The following ZAN variants were observed in gnomAD, a reference collection of about 807,000 sequenced individuals.
The protein encoded by ZAN is zonadhesin.
ZAN carries 260 observed loss-of-function variants against 286.2 expected under a neutral mutation model. The observed-to-expected ratio is 0.91, with a 90% CI of 0.82 to 1.01. The LOEUF is 1.01. Among genes scored for constraint, ZAN ranks in the 50% least tolerant of loss-of-function variants. ZAN has a pLI of 0.00. For missense variants in ZAN, 3,410 were observed against 3,639.2 expected, an observed-to-expected ratio of 0.94 and a Z score of 1.62; for synonymous variants, 1,368 against 1,417.5, an observed-to-expected ratio of 0.97 and a Z score of 0.79.
chr7:100,776,718 CTTTTTTTTT>C (rs1161585746), intron 34 of ZAN, among the ~76,000 whole-genome samples, 154 bp downstream of exon 34: 6 of 47,508 alleles, frequency 1.3e-4, no homozygotes, highest in East Asian at 1.0e-3. Flanking sequence ...CCTCTCCTTT[CTTTTTTTTT>C]TTTTTTTTTT....
intron 7 of ZAN, among the ~76,000 whole-genome samples, chr7:100,743,624 C>T (rs1807971336): frequency 6.6e-6 from 1 of 152,004 alleles, no homozygotes; most frequent in African/African-American, 2.4e-5. Flanking sequence ...TGCCTGTAAT[C>T]CCAGCACTTT....
chr7:100,734,410 G>T (rs1360514107), intron 2 of ZAN, among the ~76,000 whole-genome samples, 189 bp downstream of exon 2: 1 of 140,250 alleles, frequency 7.1e-6, no homozygotes, highest in Admixed American at 7.1e-5. Context: ...ACGAGGTCAG[G>T]AGATCGAGAC....
intron 38 of ZAN, 76 bp downstream of exon 38, chr7:100,788,212 G>A: frequency 1.4e-6 from 2 of 1,417,644 alleles, no homozygotes; most frequent in Non-Finnish European, 1.9e-6. Context: ...AGAAGTCAGG[G>A]ATCCCTGTTC....
chr7:100,735,140 C>T (rs1223754245), intron 2 of ZAN, among the ~76,000 whole-genome samples: 1 of 136,988 alleles, frequency 7.3e-6, no homozygotes, highest in Non-Finnish European at 1.6e-5. Flanking sequence ...GCGGAAATTG[C>T]ACCATTGCAC....
intron 29 of ZAN, among the ~76,000 whole-genome samples, chr7:100,772,612 G>A (rs1297952871): frequency 6.6e-6 from 1 of 151,850 alleles, no homozygotes; most frequent in Non-Finnish European, 1.5e-5. Context: ...ACGAGGTCAG[G>A]AGATCGAGAC....
intron 14 of ZAN, among the ~76,000 whole-genome samples, chr7:100,753,918 A>G (rs1489096080): frequency 6.6e-6 from 1 of 151,688 alleles, no homozygotes; most frequent in Non-Finnish European, 1.5e-5. Flanking sequence ...TCACTTTCTA[A>G]TCCAAACACT....
chr7:100,754,038 G>A (rs1319218229), intron 14 of ZAN, among the ~76,000 whole-genome samples: 1 of 152,046 alleles, frequency 6.6e-6, no homozygotes, highest in Non-Finnish European at 1.5e-5. Flanking sequence ...GGATTTGCCA[G>A]TTCTGGACAG....
At chr7:100,757,907 T>C (rs1584578183) in intron 15 of ZAN, among the ~76,000 whole-genome samples, 1 of 131,716 alleles carries the variant, frequency 7.6e-6, no homozygotes. Flanking sequence ...AGACTCCATC[T>C]CTCCAAAACG....
At position 100,763,901 on chromosome 7, in the gene ZAN, C is replaced by T; in HGVS notation, c.4082C>T (p.Thr1361Ile). ...GGGTTCTGTGGACGGCTGGTCGACA[C>T]TCATGGCCCATTTGAGTATGAAGGA... ...GPGFCGRLVD[T>I]HGPFETCLLH... The change falls in exon 21 of 48, where the codon ACT (threonine) becomes ATT (isoleucine). Residue 1361 changes from threonine (T) to isoleucine (I), a missense_variant. Physicochemically the swap from Thr to Ile is moderately conservative, Grantham distance 89. Coordinates refer to ENST00000613979, the MANE Select transcript of ZAN (RefSeq NM_003386.3). The surrounding 1 kb of genome is among the most constrained non-coding windows in gnomAD (Gnocchi z 4.6). 1.2e-6 allele frequency: 2 copies of T among 1,614,030 alleles called. No homozygotes were observed. Among genetic ancestry groups the T allele is most frequent in the Non-Finnish European group, 1.7e-6 (2 of 1,179,904 alleles).
At chr7:100,786,601 G>A (rs1811581511) in intron 37 of ZAN, among the ~76,000 whole-genome samples, 1 of 152,078 alleles carries the variant, frequency 6.6e-6, no homozygotes, top group Non-Finnish European at 1.5e-5. Context: ...TCTAGAGATG[G>A]GGTCTTGCTA....
At position 100,742,233 on chromosome 7, in the gene ZAN, G is replaced by A. The variant is rs565833830; in HGVS notation, c.766+3620G>A. Reference sequence around the variant, plus strand: ...GCGCTCCTCACATCCCAGATGGGGCGGTGGGGCAGAGGTGCTCCCCACATC... The same window carrying A: ...GCGCTCCTCACATCCCAGATGGGGCAGTGGGGCAGAGGTGCTCCCCACATC... On this transcript the variant is annotated intron_variant, in intron 7 of 47. Coordinates refer to ENST00000613979, the MANE Select transcript of ZAN (RefSeq NM_003386.3). 1.2e-3 allele frequency among the ~76,000 whole-genome samples: 143 copies of A among 119,116 alleles called. 20 individuals are homozygous for A. Among genetic ancestry groups the A allele is most frequent in the African/African-American group, 3.9e-3 (120 of 30,406 alleles). 78.1% of individuals were successfully genotyped at this position (119,116 alleles called of 152,430 possible). A position where few individuals can be genotyped will look rare whatever the true frequency, so the allele number is the denominator to read the frequency against.
chr7:100,770,048 G>A (rs1222640610), intron 28 of ZAN, 74 bp downstream of exon 28: 2 of 1,416,982 alleles, frequency 1.4e-6, no homozygotes. Flanking sequence ...AGTCAGGGAG[G>A]GAGAAACAAC....
chr7:100,790,921 G>A, intron 39 of ZAN, 21 bp from the exon 40 acceptor site: 1 of 1,584,714 alleles, frequency 6.3e-7, no homozygotes, highest in Non-Finnish European at 8.6e-7. Context: ...CTCACTTCTG[G>A]GGACCCCCTT....
At chr7:100,762,083 C>G in intron 19 of ZAN, 132 bp from the exon 20 acceptor site, 4 of 1,137,388 alleles carry the variant, frequency 3.5e-6, no homozygotes, top group South Asian at 2.8e-5. Flanking sequence ...GTCCTCTTGT[C>G]CAGTCCGCAC....
intron 29 of ZAN, 119 bp from the exon 30 acceptor site, chr7:100,773,166 A>G (rs550642059): frequency 1.4e-4 from 164 of 1,138,670 alleles, no homozygotes; most frequent in Non-Finnish European, 2.0e-4. Context: ...GGCCTCCCAA[A>G]GTGCTGGGAT....
chr7:100,768,317 C>T (rs1311740602), intron 26 of ZAN, among the ~76,000 whole-genome samples: 1 of 152,080 alleles, frequency 6.6e-6, no homozygotes, highest in Non-Finnish European at 1.5e-5. Context: ...ACTAAAAATA[C>T]AAAAATTAGC....
At chr7:100,791,885 G>A in intron 40 of ZAN, 81 bp from the exon 41 acceptor site, 10 of 1,469,432 alleles carry the variant, frequency 6.8e-6, no homozygotes, top group Non-Finnish European at 7.3e-6. Context: ...CCACCACCAT[G>A]CCCGGCTAAT....
chr7:100,787,042 A>C (rs1194895114), intron 37 of ZAN, among the ~76,000 whole-genome samples: 3 of 151,220 alleles, frequency 2.0e-5, no homozygotes, highest in African/African-American at 2.4e-5. Context: ...AGCCTGGGAC[A>C]CAGAGTGAGA....
chr7:100,746,297 C>T (rs993870919), intron 7 of ZAN, among the ~76,000 whole-genome samples: 2 of 152,182 alleles, frequency 1.3e-5, no homozygotes, highest in Admixed American at 1.3e-4. Flanking sequence ...GTTCTAGTTG[C>T]TGCTTTGGAG....
Sources: allele counts gnomAD v4.1 joint callset (sites outside exome capture counted in the v4.1 genomes callset), GRCh38; gene constraint gnomAD v4.1.1; non-coding constraint Gnocchi (gnomAD v3.1); transcripts MANE v1.5; gene names NCBI Gene and HGNC (gene_info 2026-07-23, HGNC 2026-07-21).